Variants in CALY observed in about 807,000 individuals in gnomAD.
CALY encodes calcyon neuron specific vesicular protein.
CALY carries 15 observed loss-of-function variants against 20.2 expected under a neutral mutation model. The observed-to-expected ratio is 0.74, with a 90% CI of 0.50 to 1.14. The LOEUF (loss-of-function observed/expected upper bound fraction) is 1.14, where lower values mean the gene tolerates loss of function less well. CALY is among the 50% of genes most tolerant of loss of function. The pLI, the probability that CALY is intolerant of heterozygous loss-of-function variation, is 0.00. For missense variants in CALY, 270 were observed against 304.4 expected (o/e 0.89, Z 0.84); for synonymous variants, 129 against 131.8 (o/e 0.98, Z 0.15).
At chr10:133,334,614 G>A (rs1442178052) in intron 1 of CALY, among the ~76,000 whole-genome samples, 1 of 149,670 alleles carries the variant, frequency 6.7e-6, no homozygotes, top group Non-Finnish European at 1.5e-5. Flanking sequence ...CGAAGGATCT[G>A]AAGGGGGAAG....
intron 1 of CALY, among the ~76,000 whole-genome samples, chr10:133,331,756 G>C (rs1016400035): frequency 6.6e-6 from 1 of 152,138 alleles, no homozygotes; most frequent in African/African-American, 2.4e-5. Flanking sequence ...ATCCCAACAG[G>C]GTTTTTAAAA....
At chr10:133,327,018 G>A in intron 3 of CALY, 27 bp from the exon 4 acceptor site, 1 of 1,511,646 alleles carries the variant, frequency 6.6e-7, no homozygotes, top group Non-Finnish European at 9.1e-7. Context: ...GAGGGGCTCA[G>A]CCACGCCAGG....
At chr10:133,336,113 C>T (rs1228554002) in intron 1 of CALY, among the ~76,000 whole-genome samples, 1 of 152,052 alleles carries the variant, frequency 6.6e-6, no homozygotes, top group African/African-American at 2.4e-5. Context: ...GCCCAGCCCC[C>T]GCGGGCGCCA....
intron 4 of CALY, 103 bp downstream of exon 4, chr10:133,326,775 C>A (rs1848219785): frequency 7.0e-6 from 5 of 711,088 alleles, no homozygotes; most frequent in Non-Finnish European, 1.3e-5. Context: ...GCTTTGGAGA[C>A]CACGTTCCCC....
At chr10:133,332,608 G>T (rs1030942954) in intron 1 of CALY, among the ~76,000 whole-genome samples, 1 of 152,146 alleles carries the variant, frequency 6.6e-6, no homozygotes, top group African/African-American at 2.4e-5. Context: ...AATGATGAGG[G>T]TGCATTGTGG....
chr10:133,328,836 C>G lies in CALY; in HGVS notation c.135+19G>C. On this transcript the variant is annotated intron_variant, in intron 2 of 5. Coordinates refer to ENST00000252939, the MANE Select transcript of CALY (RefSeq NM_015722.4). ...CAGGGGAGCCTGAGAAGGGCCCCCA[C>G]GCTGGCCCAGGCCCTCACCTGGTCA... 2 of 1,538,060 alleles carry G rather than the reference C, an allele frequency of 1.3e-6. No homozygotes were observed. The highest frequency in any genetic ancestry group is 1.8e-6 in the Non-Finnish European group (2 of 1,142,440).
chr10:133,330,348 G>A (rs1431574908), intron 1 of CALY, among the ~76,000 whole-genome samples: 2 of 45,822 alleles, frequency 4.4e-5, no homozygotes, highest in Admixed American at 3.7e-4. Context: ...ACGAAACTCT[G>A]CCAAAAAAAA....
intron 1 of CALY, among the ~76,000 whole-genome samples, chr10:133,335,209 CG>C (rs1848417852): frequency 1.3e-5 from 2 of 151,246 alleles, no homozygotes; most frequent in South Asian, 2.1e-4. Flanking sequence ...GAGGAGGGGT[CG>C]GGGGTCTCCC....
chr10:133,324,137 C>T lies in CALY; in HGVS notation c.*1458G>A. The T allele has an allele frequency of 3.2e-6, 1 of 316,438 alleles. No individual in the cohort carries two copies. Among genetic ancestry groups the T allele is most frequent in the South Asian group, 2.4e-5 (1 of 41,582 alleles). The allele number at this position is 316,438 out of a possible 1,614,324, so 19.6% of individuals were successfully genotyped here. A position where few individuals can be genotyped will look rare whatever the true frequency, so the allele number is the denominator to read the frequency against. ...CAGAGACTCCCTGCCCCCATATATC[C>T]CAGCTGACGCCCCAGGCCCCGGGCC... On this transcript the variant is annotated 3_prime_UTR_variant, in exon 6 of 6. Coordinates refer to ENST00000252939, the MANE Select transcript of CALY (RefSeq NM_015722.4).
intron 1 of CALY, among the ~76,000 whole-genome samples, chr10:133,336,037 G>A (rs889772461): frequency 2.6e-5 from 4 of 152,166 alleles, no homozygotes. Flanking sequence ...TCACGCTGGG[G>A]GGTGCGCGCA....
chr10:133,325,631 G>A (rs1195311393), intron 5 of CALY, 65 bp from the exon 6 acceptor site: 2 of 324,424 alleles, frequency 6.2e-6, no homozygotes, highest in Admixed American at 5.0e-5. Flanking sequence ...CGGACCCCGC[G>A]TCACCCGGCG....
chr10:133,326,309 C>G (rs573501785), intron 4 of CALY, 189 bp from the exon 5 acceptor site: 1 of 1,542,046 alleles, frequency 6.5e-7, no homozygotes, highest in Non-Finnish European at 8.8e-7. Context: ...GGAGGTCGCG[C>G]GTTGTAAGGG....
At chr10:133,330,575 G>A (rs1302056938) in intron 1 of CALY, among the ~76,000 whole-genome samples, 3 of 124,456 alleles carry the variant, frequency 2.4e-5, no homozygotes, top group East Asian at 5.2e-4. Flanking sequence ...GGAGAATGGC[G>A]TGAACCTGGG....
chr10:133,327,465 G>A (rs1214068863), intron 3 of CALY: 1 of 558,444 alleles, frequency 1.8e-6, no homozygotes, highest in Admixed American at 3.4e-5. Flanking sequence ...AGAATGGAAG[G>A]CTTTGGAAAC....
In CALY at chr10:133,326,961, T is replaced by C. The variant is rs1848224549; in HGVS notation, c.277A>G (p.Met93Val). Residue 93 changes from methionine (M) to valine (V), a missense_variant, in exon 4 of 6, where the codon ATG becomes GTG. By Grantham distance (21) the Met-to-Val change is conservative. Transcript: ENST00000252939. ...LPTARMIAFA[M>V]ALLGCVLIMY... ...ATCAGCACGCAGCCCAGTAGCGCCA[T>C]GGCGAAGGCGATCATCCGTGCGGTG... 1.2e-6 allele frequency: 2 copies of C among 1,610,404 alleles called. No individual in the cohort carries two copies. The highest frequency in any genetic ancestry group is 2.7e-5 in the African/African-American group (2 of 75,040).
At chr10:133,329,384 T>G (rs535283235) in intron 1 of CALY, among the ~76,000 whole-genome samples, 125 of 120,628 alleles carry the variant, frequency 1.0e-3, no homozygotes, top group Admixed American at 6.3e-3. Flanking sequence ...CTCCTTCTTC[T>G]TCTTCTTCTT....
chr10:133,327,971 G>A lies in CALY; in HGVS notation c.180C>T (p.Asp60=). ...CCTCCAGGTCAGGGAAATTCTGCTGGTCTGGGGAGGACAGCTGGTATTCTG... is the reference window on the plus strand; with the variant it reads ...CCTCCAGGTCAGGGAAATTCTGCTGATCTGGGGAGGACAGCTGGTATTCTG... The part of the protein sequence containing the change: ...TQTEYQLSSP[D]QQNFPDLEGQ... The change falls in exon 3 of 6, where the codon GAC becomes GAT. Residue 60 remains aspartate, a synonymous_variant. Coordinates refer to ENST00000252939, the MANE Select transcript of CALY (RefSeq NM_015722.4). The A allele has an allele frequency of 2.5e-6, 4 of 1,612,932 alleles. No individual in the cohort carries two copies. Among genetic ancestry groups the A allele is most frequent in the Non-Finnish European group, 2.5e-6 (3 of 1,179,572 alleles).
At chr10:133,333,309 T>G (rs1848346350) in intron 1 of CALY, among the ~76,000 whole-genome samples, 3 of 57,746 alleles carry the variant, frequency 5.2e-5, no homozygotes, top group Admixed American at 2.0e-4. Context: ...GGGGGAAGGA[T>G]CCGAGGGGTG....
intron 1 of CALY, among the ~76,000 whole-genome samples, chr10:133,329,490 A>T (rs1342237915): frequency 6.6e-6 from 1 of 150,998 alleles, no homozygotes; most frequent in Non-Finnish European, 1.5e-5. Context: ...GAGCTTCAGC[A>T]GTCCTACCAT....
Sources: allele counts gnomAD v4.1 joint callset (sites outside exome capture counted in the v4.1 genomes callset), GRCh38; gene constraint gnomAD v4.1.1; transcripts MANE v1.5; gene names NCBI Gene and HGNC (gene_info 2026-07-23, HGNC 2026-07-21).